Variants in POTEC observed in about 807,000 individuals in gnomAD.
POTEC encodes POTE ankyrin domain family member C, also known as ANKRD26-like family B member 2.
In POTEC, 35 loss-of-function variants were observed where a neutral mutation model predicts 62.0. The observed-to-expected ratio is 0.56, with a 90% CI of 0.43 to 0.75. POTEC has a LOEUF of 0.75. Among genes scored for constraint, POTEC ranks in the 30% least tolerant of loss-of-function variants. The probability of loss-of-function intolerance (pLI) is 0.00; values close to 1 mark genes in which losing one functional copy is unlikely to be tolerated. For missense variants in POTEC, 472 were observed against 655.9 expected (o/e 0.72, Z 3.06); for synonymous variants, 156 against 221.5 (o/e 0.70, Z 2.62).
At chr18:14,523,574 T>C in intron 7 of POTEC, 67 bp from the exon 8 acceptor site, 1 of 1,522,090 alleles carries the variant, frequency 6.6e-7, no homozygotes, top group Admixed American at 1.9e-5. Context: ...TCTTTTGGAA[T>C]GCATGTTAAA....
chr18:14,530,455 T>G, intron 6 of POTEC, 28 bp downstream of exon 6: 1 of 1,602,316 alleles, frequency 6.2e-7, no homozygotes, highest in Non-Finnish European at 8.5e-7. Flanking sequence ...ACAACTGACC[T>G]AAAGTAATTC....
chr18:14,531,039 T>C (rs1371552388), intron 5 of POTEC, among the ~76,000 whole-genome samples: 1 of 152,018 alleles, frequency 6.6e-6, no homozygotes, highest in Non-Finnish European at 1.5e-5. Context: ...TAAAATTATC[T>C]TGGAATCCCA....
intron 9 of POTEC, among the ~76,000 whole-genome samples, chr18:14,516,638 G>T: frequency 8.6e-6 from 1 of 115,674 alleles, no homozygotes; most frequent in East Asian, 2.4e-4. Flanking sequence ...CATGAGATTT[G>T]GGTGGAAACA....
intron 9 of POTEC, among the ~76,000 whole-genome samples, chr18:14,520,494 TA>T (rs1181271593): frequency 6.6e-6 from 1 of 152,216 alleles, no homozygotes. Flanking sequence ...TTGATCACTG[TA>T]AAATACTGAG....
Position 14,510,253 on chromosome 18 carries a change from T to C in POTEC, c.*1645A>G, listed in dbSNP as rs1192291409. The C allele has an allele frequency of 2.0e-5, 3 of 152,316 alleles. No individual in the cohort carries two copies. Among genetic ancestry groups the C allele is most frequent in the East Asian group, 1.9e-4 (1 of 5,174 alleles). The allele number at this position is 152,316 out of a possible 1,614,324, so 9.4% of individuals were successfully genotyped here. On this transcript the variant is annotated 3_prime_UTR_variant, in exon 11 of 11. Transcript: ENST00000358970. ...TGTTCCTTGTGTCAACTGCAGCTTG[T>C]TGGAGGTGTCAATATGGCACTTAGG... is the stretch of plus-strand genomic sequence containing the variant.
chr18:14,529,461 C>A (rs1285016196), intron 6 of POTEC, among the ~76,000 whole-genome samples: 1 of 152,106 alleles, frequency 6.6e-6, no homozygotes, highest in African/African-American at 2.4e-5. Context: ...TTGTCTCCTG[C>A]AACTTATAAA....
chr18:14,524,703 T>C (rs1353327043), intron 7 of POTEC, among the ~76,000 whole-genome samples: 1 of 151,982 alleles, frequency 6.6e-6, no homozygotes, highest in African/African-American at 2.4e-5. Context: ...AAATATCAAA[T>C]GTTAAATTAG....
rs1177287712 is a variant in POTEC at position 14,537,206 on chromosome 18, CACACAAAA to C, written c.810+587_810+594del. On this transcript the variant is annotated intron_variant, in intron 3 of 10. Coordinates refer to ENST00000358970, the MANE Select transcript of POTEC (RefSeq NM_001137671.2). The stretch of plus-strand genomic sequence containing the variant: ...ACACACACACACACACACACACACA[CACACAAAA>C]AAAAAAAAAAACAAAAAAAAACCTC... Among the ~76,000 whole-genome samples, 128 of 76,852 alleles carry C rather than the reference CACACAAAA, an allele frequency of 1.7e-3. 3 individuals carry two copies. The East Asian group carries it at 0.029, about 17-fold the overall frequency. 50.4% of individuals were successfully genotyped at this position (76,852 alleles called of 152,430 possible).
At chr18:14,527,524 C>T (rs1466642267) in intron 6 of POTEC, among the ~76,000 whole-genome samples, 3 of 151,926 alleles carry the variant, frequency 2.0e-5, no homozygotes, top group Admixed American at 6.6e-5. Context: ...CTACTCCTTC[C>T]TCATGTCCAG....
intron 9 of POTEC, among the ~76,000 whole-genome samples, chr18:14,515,684 T>TACC (rs1567909887): frequency 7.1e-6 from 1 of 141,436 alleles, no homozygotes; most frequent in African/African-American, 2.6e-5. Context: ...AAATACCTAA[T>TACC]TAAACTAAAA....
chr18:14,511,405 G>A lies in POTEC; in HGVS notation c.*493C>T, dbSNP rs1910003807. On this transcript the variant is annotated 3_prime_UTR_variant, in exon 11 of 11. Transcript: ENST00000358970. ...CTGGAATCGCTAAGTTGCCCAAACA[G>A]GAAAGATGGTGGCCTGCCTCATCTT... 3.3e-6 allele frequency: 1 copy of A among 300,224 alleles called. No individual in the cohort carries two copies. Among genetic ancestry groups the A allele is most frequent in the African/African-American group, 2.2e-5 (1 of 44,626 alleles). 18.6% of individuals were successfully genotyped at this position (300,224 alleles called of 1,614,324 possible).
chr18:14,529,765 TA>T (rs1293332469), intron 6 of POTEC, among the ~76,000 whole-genome samples: 3 of 152,000 alleles, frequency 2.0e-5, no homozygotes, highest in Non-Finnish European at 4.4e-5. Flanking sequence ...TCCAACAAAG[TA>T]AATGTATCTC....
At chr18:14,524,765 T>G (rs1218298487) in intron 7 of POTEC, 148 bp downstream of exon 7, 1 of 744,852 alleles carries the variant, frequency 1.3e-6, no homozygotes, top group African/African-American at 1.9e-5. Context: ...AAAATAAATT[T>G]TAAGAATCTT....
chr18:14,528,632 G>A (rs1342864690), intron 6 of POTEC, among the ~76,000 whole-genome samples: 32 of 151,872 alleles, frequency 2.1e-4, no homozygotes, highest in Admixed American at 2.1e-3. Context: ...ACTGCCAACA[G>A]CACAGCTGAA....
At chr18:14,520,580 T>G (rs974119509) in intron 9 of POTEC, among the ~76,000 whole-genome samples, 1 of 151,986 alleles carries the variant, frequency 6.6e-6, no homozygotes, top group African/African-American at 2.4e-5. Flanking sequence ...AAAAATTATA[T>G]GACATCACTG....
At chr18:14,536,583 T>C (rs1434156970) in intron 3 of POTEC, among the ~76,000 whole-genome samples, 2 of 151,848 alleles carry the variant, frequency 1.3e-5, no homozygotes, top group Admixed American at 6.6e-5. Context: ...AGACTTACTC[T>C]ATCAAAATCT....
rs1362797769 is a variant in POTEC, at chr18:14,509,316, C to G, written c.*2582G>C. 6.6e-6 allele frequency: 1 copy of G among 152,166 alleles called. No homozygotes were observed. Among genetic ancestry groups the G allele is most frequent in the Non-Finnish European group, 1.5e-5 (1 of 68,064 alleles). The allele number at this position is 152,166 out of a possible 1,614,324, so 9.4% of individuals were successfully genotyped here. ...GCCTTCTCTGATCCCCCCCAAGCAACAGTGGTCACTCAGGGTATAAGAAGG... is the reference window on the plus strand; with the variant it reads ...GCCTTCTCTGATCCCCCCCAAGCAAGAGTGGTCACTCAGGGTATAAGAAGG... On this transcript the variant is annotated 3_prime_UTR_variant, in exon 11 of 11. Transcript: ENST00000358970.
chr18:14,514,232 G>C (rs182985772), intron 9 of POTEC, among the ~76,000 whole-genome samples: 1 of 152,046 alleles, frequency 6.6e-6, no homozygotes, highest in Admixed American at 6.6e-5. Context: ...TCCCATGCAT[G>C]AGCAGCTTGC....
chr18:14,518,613 A>AC (rs1276241256), intron 9 of POTEC, among the ~76,000 whole-genome samples: 1 of 140,820 alleles, frequency 7.1e-6, no homozygotes, highest in Non-Finnish European at 1.5e-5. Context: ...TCTGGGTAGC[A>AC]CACCGTTCTT....
Sources: gnomAD v4.1 joint callset for allele counts (sites outside exome capture counted in the v4.1 genomes callset) on GRCh38, gnomAD v4.1.1 for gene constraint, MANE v1.5 for transcripts, NCBI Gene and HGNC (gene_info 2026-07-23, HGNC 2026-07-21) for gene names.